The following SEMA3A variants were observed in gnomAD, a reference collection of about 807,000 sequenced individuals.
SEMA3A encodes the protein semaphorin 3A, also known as semaphorin-3A.
SEMA3A carries 29 observed loss-of-function variants against 97.9 expected under a neutral mutation model. That is an observed-to-expected ratio of 0.30 (90% CI 0.22 to 0.40). The LOEUF (loss-of-function observed/expected upper bound fraction) is 0.40. SEMA3A is among the 10% of genes least tolerant of loss of function. The probability of loss-of-function intolerance (pLI) is 1.00; values close to 1 mark genes in which losing one functional copy is unlikely to be tolerated. For synonymous variants in SEMA3A, 321 were observed against 323.7 expected (o/e 0.99, Z 0.09); for missense variants, 763 against 951.3 (o/e 0.80, Z 2.60).
intron 1 of SEMA3A, among the ~76,000 whole-genome samples, chr7:84,138,031 C>T (rs148559428): frequency 6.9e-6 from 1 of 145,550 alleles, no homozygotes; most frequent in Non-Finnish European, 1.5e-5. Flanking sequence ...GTTAATGTAT[C>T]TTTTAAGAGT....
intron 1 of SEMA3A, among the ~76,000 whole-genome samples, chr7:84,417,390 C>G (rs1046753349): frequency 6.6e-6 from 1 of 151,944 alleles, no homozygotes; most frequent in Non-Finnish European, 1.5e-5. Context: ...TGTCTATTTA[C>G]ATGATAGAAG....
At chr7:83,999,306 G>T (rs1161615967) in intron 12 of SEMA3A, among the ~76,000 whole-genome samples, 1 of 151,952 alleles carries the variant, frequency 6.6e-6, no homozygotes, top group Non-Finnish European at 1.5e-5. Flanking sequence ...CCTTATTAAT[G>T]TACTAAACAA....
chr7:84,148,141 C>T lies in SEMA3A; in HGVS notation c.113-13190G>A, dbSNP rs536588577. On this transcript the variant is annotated intron_variant, in intron 1 of 16. Transcript: ENST00000265362. ...TGTTGGCCAGGCTGGTCTCGAACCC[C>T]TGACCTCAGGTTATCCACTCACCTT... Among the ~76,000 whole-genome samples the T allele has an allele frequency of 4.5e-4, 68 of 152,214 alleles. No homozygotes were observed. The South Asian group carries it at 9.3e-3, about 21-fold the overall frequency.
At chr7:84,121,020 T>C (rs1795595312) in intron 3 of SEMA3A, among the ~76,000 whole-genome samples, 1 of 152,158 alleles carries the variant, frequency 6.6e-6, no homozygotes, top group South Asian at 2.1e-4. Context: ...TATTTTATAA[T>C]AGGTATAGCA....
chr7:84,155,354 G>A (rs565728542), intron 1 of SEMA3A, among the ~76,000 whole-genome samples: 9 of 152,158 alleles, frequency 5.9e-5, no homozygotes, highest in East Asian at 3.9e-4. Context: ...GAGAGTTGTC[G>A]TCTATTTTAG....
At chr7:83,976,557 C>A (rs1339863726) in intron 15 of SEMA3A, among the ~76,000 whole-genome samples, 1 of 149,276 alleles carries the variant, frequency 6.7e-6, no homozygotes, top group African/African-American at 2.5e-5. Flanking sequence ...ATTTACTAAG[C>A]AACTTTGACA....
chr7:84,225,606 A>T (rs974127175), intron 3 of SEMA3A, among the ~76,000 whole-genome samples: 5 of 152,114 alleles, frequency 3.3e-5, no homozygotes, highest in African/African-American at 9.7e-5. Context: ...TGTTTTTAAT[A>T]TCTTAAATCT....
chr7:84,403,563 G>A (rs1215315885), intron 1 of SEMA3A, among the ~76,000 whole-genome samples: 10 of 152,156 alleles, frequency 6.6e-5, no homozygotes, highest in Admixed American at 2.0e-4. Context: ...CTCCCAGCAC[G>A]CAGCTTGAGA....
intron 11 of SEMA3A, among the ~76,000 whole-genome samples, chr7:84,004,832 T>C (rs1048381338): frequency 6.6e-6 from 1 of 152,208 alleles, no homozygotes; most frequent in Non-Finnish European, 1.5e-5. Flanking sequence ...AAAGTAACGA[T>C]AGAAACTGGC....
chr7:84,115,125 C>T (rs1795386047), intron 3 of SEMA3A, among the ~76,000 whole-genome samples: 1 of 152,044 alleles, frequency 6.6e-6, no homozygotes, highest in African/African-American at 2.4e-5. Flanking sequence ...ACTCAACTAA[C>T]ACAACAAAGT....
At chr7:84,018,511 C>A (rs1791191340) in intron 6 of SEMA3A, among the ~76,000 whole-genome samples, 1 of 151,976 alleles carries the variant, frequency 6.6e-6, no homozygotes, top group African/African-American at 2.4e-5. Context: ...TGTTAAACTT[C>A]ACAGAAAGAA....
intron 1 of SEMA3A, among the ~76,000 whole-genome samples, chr7:84,147,606 A>G (rs967431370): frequency 6.6e-6 from 1 of 152,172 alleles, no homozygotes; most frequent in African/African-American, 2.4e-5. Context: ...GGCGGCAGAA[A>G]TTACCTAAAC....
chr7:84,333,444 CAT>C (rs747979569), intron 2 of SEMA3A, among the ~76,000 whole-genome samples: 1 of 152,010 alleles, frequency 6.6e-6, no homozygotes, highest in Non-Finnish European at 1.5e-5. Context: ...GCTTAGCACA[CAT>C]AGAAGAAACT....
intron 1 of SEMA3A, among the ~76,000 whole-genome samples, chr7:84,425,134 T>G (rs1804762175): frequency 9.1e-6 from 1 of 110,398 alleles, no homozygotes; most frequent in Admixed American, 1.2e-4. Context: ...TATTTATATA[T>G]AAATATTATA....
intron 6 of SEMA3A, among the ~76,000 whole-genome samples, chr7:84,027,732 A>C (rs969020336): frequency 2.0e-5 from 3 of 152,182 alleles, no homozygotes; most frequent in African/African-American, 7.2e-5. Context: ...CACAGTATCC[A>C]GTTTAGCTCC....
chr7:84,011,741 CAT>C (rs1464733344), intron 7 of SEMA3A, among the ~76,000 whole-genome samples: 2 of 152,082 alleles, frequency 1.3e-5, no homozygotes, highest in African/African-American at 4.8e-5. Flanking sequence ...ATTTCAAAAT[CAT>C]AGTAAATTTC....
chr7:84,150,846 C>T (rs1046014596), intron 1 of SEMA3A, among the ~76,000 whole-genome samples: 1 of 151,784 alleles, frequency 6.6e-6, no homozygotes, highest in Non-Finnish European at 1.5e-5. Flanking sequence ...CCCTGTCTGA[C>T]AGCTTTGAAG....
chr7:84,376,069 T>C lies in SEMA3A; in HGVS notation c.-245-4169A>G, dbSNP rs540629240. 7.2e-5 allele frequency among the ~76,000 whole-genome samples: 11 copies of C among 152,312 alleles called. No individual in the cohort carries two copies. The South Asian group carries it at 2.3e-3, about 32-fold the overall frequency. On this transcript the variant is annotated intron_variant, in intron 1 of 3. Coordinates refer to the SEMA3A transcript ENST00000424555. ...TAACATTCCACTGGATATATATTAA[T>C]AGACCAGTTTTTTATTCACTCATCC...
At chr7:84,344,180 C>T (rs2115998498) in intron 2 of SEMA3A, among the ~76,000 whole-genome samples, 1 of 152,246 alleles carries the variant, frequency 6.6e-6, no homozygotes, top group Non-Finnish European at 1.5e-5. Context: ...TCCGTATACT[C>T]AGTATGGATT....
Sources: allele counts gnomAD v4.1 joint callset (sites outside exome capture counted in the v4.1 genomes callset), GRCh38; gene constraint gnomAD v4.1.1; transcripts MANE v1.5; gene names NCBI Gene and HGNC (gene_info 2026-07-23, HGNC 2026-07-21).